Variants in CSMD1 observed in about 807,000 individuals in gnomAD.
The protein encoded by CSMD1 is CUB and Sushi multiple domains 1.
CSMD1 carries 213 observed loss-of-function variants against 417.5 expected under a neutral mutation model. The observed-to-expected ratio is 0.51, with a 90% CI of 0.46 to 0.57. The LOEUF is 0.57. Ranked by LOEUF, CSMD1 falls within the 20% of genes least tolerant of loss-of-function variation. The pLI is 0.00. For synonymous variants in CSMD1, 2,862 were observed against 1,736.8 expected (o/e 1.65, Z -16.11); for missense variants, 6,923 against 4,529.7 (o/e 1.53, Z -15.17).
chr8:3,368,321 A>T (rs146717611), intron 19 of CSMD1, among the ~76,000 whole-genome samples: 1 of 152,256 alleles, frequency 6.6e-6, no homozygotes, highest in East Asian at 1.9e-4. Context: ...ATGTGATCGA[A>T]ATTCCAAATA....
chr8:3,280,112 A>G (rs895861853), intron 26 of CSMD1, among the ~76,000 whole-genome samples: 3 of 152,124 alleles, frequency 2.0e-5, no homozygotes, highest in African/African-American at 7.2e-5. Context: ...CTGTGCCCTG[A>G]CATGCCCTCC....
At chr8:3,823,784 T>A (rs1401143827) in intron 5 of CSMD1, among the ~76,000 whole-genome samples, 1 of 152,154 alleles carries the variant, frequency 6.6e-6, no homozygotes, top group Non-Finnish European at 1.5e-5. Flanking sequence ...TCAGTCTTGG[T>A]CAGTTTAACA....
At chr8:3,926,808 C>T (rs967324633) in intron 5 of CSMD1, among the ~76,000 whole-genome samples, 3 of 149,452 alleles carry the variant, frequency 2.0e-5, no homozygotes, top group South Asian at 2.1e-4. Context: ...CTCTGCCTCC[C>T]GGGTTCAAGC....
At chr8:3,670,881 G>A (rs1258382719) in intron 7 of CSMD1, among the ~76,000 whole-genome samples, 1 of 114,650 alleles carries the variant, frequency 8.7e-6, no homozygotes, top group Admixed American at 8.4e-5. Context: ...ATGTATATGG[G>A]ATATATATGT....
At chr8:4,671,612 C>T (rs1320936215) in intron 1 of CSMD1, among the ~76,000 whole-genome samples, 2 of 152,178 alleles carry the variant, frequency 1.3e-5, no homozygotes, top group South Asian at 2.1e-4. Context: ...TTCAACAGTT[C>T]CTCTCTCAGC....
At chr8:3,668,717 G>T (rs1245101778) in intron 7 of CSMD1, among the ~76,000 whole-genome samples, 1 of 152,176 alleles carries the variant, frequency 6.6e-6, no homozygotes, top group African/African-American at 2.4e-5. Context: ...AGATGGATGA[G>T]TTGGGAGCTC....
chr8:4,115,685 G>C (rs1585345542), intron 3 of CSMD1, among the ~76,000 whole-genome samples: 1 of 152,112 alleles, frequency 6.6e-6, no homozygotes, highest in East Asian at 1.9e-4. Flanking sequence ...AAGCGACCAA[G>C]GTGCCCTGTA....
intron 3 of CSMD1, among the ~76,000 whole-genome samples, chr8:4,165,553 C>A (rs1584942719): frequency 6.6e-6 from 1 of 152,102 alleles, no homozygotes; most frequent in Non-Finnish European, 1.5e-5. Flanking sequence ...TCCGGTGCAC[C>A]ACCATGCCCA....
At chr8:4,792,270 T>A (rs568078241) in intron 1 of CSMD1, among the ~76,000 whole-genome samples, 1 of 152,266 alleles carries the variant, frequency 6.6e-6, no homozygotes, top group African/African-American at 2.4e-5. Context: ...AGCAAACACA[T>A]CCTAACTACA....
chr8:3,831,843 C>G (rs955976059), intron 5 of CSMD1, among the ~76,000 whole-genome samples: 1 of 152,126 alleles, frequency 6.6e-6, no homozygotes, highest in African/African-American at 2.4e-5. Flanking sequence ...TACTGCTATC[C>G]TTGTTCATAT....
chr8:4,100,886 A>G (rs1202858139), intron 3 of CSMD1, among the ~76,000 whole-genome samples: 1 of 152,326 alleles, frequency 6.6e-6, no homozygotes, highest in Admixed American at 6.5e-5. Context: ...GCCTCCATTT[A>G]TACAAGAAAT....
chr8:3,296,872 C>G (rs915421631), intron 25 of CSMD1, among the ~76,000 whole-genome samples: 10 of 152,114 alleles, frequency 6.6e-5, no homozygotes, highest in Admixed American at 2.0e-4. Flanking sequence ...AAGTTGTCAA[C>G]TAGACATAGA....
chr8:3,957,005 C>T (rs549516333), intron 5 of CSMD1, among the ~76,000 whole-genome samples: 1 of 152,038 alleles, frequency 6.6e-6, no homozygotes, highest in African/African-American at 2.4e-5. Flanking sequence ...AAATGAAACC[C>T]ACATGGAAGT....
intron 5 of CSMD1, among the ~76,000 whole-genome samples, chr8:3,871,512 C>G (rs945671083): frequency 6.6e-6 from 1 of 152,058 alleles, no homozygotes; most frequent in African/African-American, 2.4e-5. Flanking sequence ...TTTGTATCTC[C>G]ATAATGAATA....
chr8:3,794,786 A>G (rs566604644), intron 5 of CSMD1, among the ~76,000 whole-genome samples: 23 of 152,194 alleles, frequency 1.5e-4, no homozygotes, highest in Middle Eastern at 6.8e-3. Context: ...ACACATCTCT[A>G]AAGTGACAAC....
chr8:3,847,699 A>G (rs890198670), intron 5 of CSMD1, among the ~76,000 whole-genome samples: 3 of 152,086 alleles, frequency 2.0e-5, no homozygotes, highest in African/African-American at 7.2e-5. Context: ...TGGAAAAACT[A>G]ATACAGAATG....
intron 28 of CSMD1, 46 bp downstream of exon 28, chr8:3,223,683 G>C (rs768669509): frequency 2.3e-5 from 36 of 1,592,276 alleles, no homozygotes; most frequent in Non-Finnish European, 2.7e-5. Flanking sequence ...TTTAGGTATG[G>C]AATTAAAAAT....
chr8:3,936,260 A>G (rs1407830188), intron 5 of CSMD1, among the ~76,000 whole-genome samples: 1 of 152,162 alleles, frequency 6.6e-6, no homozygotes, highest in Admixed American at 6.5e-5. Context: ...AGCTACAGCA[A>G]GTTATCCAGA....
chr8:3,296,621 C>T (rs573428177), intron 25 of CSMD1, among the ~76,000 whole-genome samples: 8 of 152,116 alleles, frequency 5.3e-5, no homozygotes, highest in South Asian at 2.1e-4. Context: ...AAGAAAGTGG[C>T]GTATGTGCTG....
Sources: allele counts gnomAD v4.1 joint callset (sites outside exome capture counted in the v4.1 genomes callset), GRCh38; gene constraint gnomAD v4.1.1; transcripts MANE v1.5; gene names NCBI Gene and HGNC (gene_info 2026-07-23, HGNC 2026-07-21).